The following NCF2 variants were observed in gnomAD, a reference collection of about 807,000 sequenced individuals.
The protein encoded by NCF2 is neutrophil cytosol factor 2.
In NCF2, 45 loss-of-function variants were observed where a neutral mutation model predicts 70.9. That is an observed-to-expected ratio of 0.63 (90% CI 0.50 to 0.81). The LOEUF (loss-of-function observed/expected upper bound fraction) is 0.81. Ranked by LOEUF, NCF2 falls within the 40% of genes least tolerant of loss-of-function variation. The pLI is 0.00. For synonymous variants in NCF2, 203 were observed against 233.6 expected (o/e 0.87, Z 1.19); for missense variants, 522 against 631.6 (o/e 0.83, Z 1.86).
At chr1:183,600,690 C>T in the NCF2 span, among the ~76,000 whole-genome samples, 1 of 152,056 alleles carries the variant, frequency 6.6e-6, no homozygotes. Flanking sequence ...GACACAGGCT[C>T]TTCACTCTGG....
At chr1:183,599,423 C>CTTCTTTCTTTCTTTCTTTCTTTCCT in the NCF2 span, among the ~76,000 whole-genome samples, 523 of 107,508 alleles carry the variant, frequency 4.9e-3, 11 homozygotes, top group African/African-American at 0.018. Context: ...TCTTTCTTTC[C>CTTCTTTCTTTCTTTCTTTCTTTCCT]TTCTTTCTTT....
intron 8 of NCF2, 37 bp from the exon 9 acceptor site, chr1:183,567,025 T>C (rs1273474425): frequency 2.5e-6 from 4 of 1,613,138 alleles, no homozygotes; most frequent in Non-Finnish European, 3.4e-6. Context: ...AAGGAAAAAA[T>C]AAAGATGTGC....
intron 9 of NCF2, 115 bp downstream of exon 9, chr1:183,566,805 A>G (rs1672317759): frequency 7.5e-7 from 1 of 1,326,402 alleles, no homozygotes; most frequent in Non-Finnish European, 1.1e-6. Flanking sequence ...GCTCAAGACT[A>G]GTGAATCTTT....
chr1:183,582,863 G>A (rs1264185246), intron 2 of NCF2, among the ~76,000 whole-genome samples: 2 of 152,164 alleles, frequency 1.3e-5, no homozygotes, highest in East Asian at 3.9e-4. Context: ...AGACAGCTTG[G>A]CTGTTATCCC....
chr1:183,580,992 A>AT (rs1312761758), intron 2 of NCF2, among the ~76,000 whole-genome samples: 2 of 149,020 alleles, frequency 1.3e-5, no homozygotes, highest in African/African-American at 4.9e-5. Context: ...AAAAAAAAAA[A>AT]GGTGTCTACA....
chr1:183,580,570 C>CCCT (rs1322447150), intron 2 of NCF2, among the ~76,000 whole-genome samples: 1 of 152,218 alleles, frequency 6.6e-6, no homozygotes, highest in Non-Finnish European at 1.5e-5. Flanking sequence ...GTGCCTTCCT[C>CCCT]CCTGCTGAGT....
rs1026236178 is a variant in NCF2 at position 183,582,503 on chromosome 1, G to A, written c.257+4392C>T. Among the ~76,000 whole-genome samples, 4 of 152,230 alleles carry A rather than the reference G, an allele frequency of 2.6e-5. No homozygotes were observed. In the East Asian group the frequency reaches 7.7e-4, roughly 29 times the overall value. ...CCCCATTTCTGTAATACTCCTGGGA[G>A]GTTTCTTAGTAACCTGCTTGTTCCC... is the stretch of plus-strand genomic sequence containing the variant. On this transcript the variant is annotated intron_variant, in intron 2 of 14. Coordinates refer to ENST00000367535, the MANE Select transcript of NCF2 (RefSeq NM_000433.4).
chr1:183,573,326 G>A, intron 4 of NCF2, 34 bp from the exon 5 acceptor site: 4 of 1,581,216 alleles, frequency 2.5e-6, no homozygotes, highest in Non-Finnish European at 3.5e-6. Flanking sequence ...TCCCTTATGT[G>A]AAAATGGGGG....
At chr1:183,599,849 T>C in the NCF2 span, among the ~76,000 whole-genome samples, 1 of 152,088 alleles carries the variant, frequency 6.6e-6, no homozygotes, top group Admixed American at 6.6e-5. Context: ...CACCGTACCC[T>C]GCCCTCTTTT....
In NCF2 at chr1:183,555,568, AAG is replaced by A. The variant is rs1448080930; in HGVS notation, c.*548_*549del. ...TTTAAGCAACAAGACATAATGAAAA[AAG>A]AAAACAAACAAGTTTATTTGTATAT... On this transcript the variant is annotated 3_prime_UTR_variant, in exon 15 of 15. Coordinates refer to ENST00000367535, the MANE Select transcript of NCF2 (RefSeq NM_000433.4). The A allele has an allele frequency of 1.9e-5, 3 of 156,356 alleles. No homozygotes were observed. Among genetic ancestry groups the A allele is most frequent in the Non-Finnish European group, 4.3e-5 (3 of 70,386 alleles). 9.7% of individuals were successfully genotyped at this position (156,356 alleles called of 1,614,324 possible).
intron 7 of NCF2, among the ~76,000 whole-genome samples, chr1:183,568,339 T>G (rs3845462): frequency 0.51 from 76,659 of 151,154 alleles, 19,531 homozygotes; most frequent in East Asian, 0.64. Flanking sequence ...GCTAATTTTT[T>G]CATGTTTAGT....
chr1:183,572,404 G>A (rs770533400), intron 5 of NCF2, among the ~76,000 whole-genome samples: 1 of 152,102 alleles, frequency 6.6e-6, no homozygotes, highest in Non-Finnish European at 1.5e-5. Context: ...GCCTGGTCTT[G>A]AACTCCTGAC....
upstream of NCF2, among the ~76,000 whole-genome samples, chr1:183,595,187 A>G (rs1673744268): frequency 6.6e-6 from 1 of 152,200 alleles, no homozygotes; most frequent in Non-Finnish European, 1.5e-5. Context: ...CATTGAGTAG[A>G]TAGTTTCATT....
At chr1:183,562,555 C>T (rs1672112021) in intron 13 of NCF2, among the ~76,000 whole-genome samples, 1 of 152,204 alleles carries the variant, frequency 6.6e-6, no homozygotes, top group Non-Finnish European at 1.5e-5. Flanking sequence ...CTCTTTCACT[C>T]TTCTTCTCCC....
At chr1:183,565,055 C>T (rs1422107491) in intron 10 of NCF2, among the ~76,000 whole-genome samples, 1 of 152,152 alleles carries the variant, frequency 6.6e-6, no homozygotes, top group Non-Finnish European at 1.5e-5. Context: ...GTAGGTTGGA[C>T]ATTTTTCAAA....
chr1:183,586,289 G>A (rs1054044417), intron 2 of NCF2, among the ~76,000 whole-genome samples: 5 of 152,198 alleles, frequency 3.3e-5, no homozygotes, highest in East Asian at 1.9e-4. Flanking sequence ...AGCTGAGATC[G>A]AGCCCTTGCA....
intron 5 of NCF2, among the ~76,000 whole-genome samples, chr1:183,571,779 C>A (rs1471265473): frequency 6.6e-6 from 1 of 152,226 alleles, no homozygotes; most frequent in Non-Finnish European, 1.5e-5. Context: ...GGAGATCAAG[C>A]AGACATGGTC....
chr1:183,594,377 C>T (rs1673735145), upstream of NCF2, among the ~76,000 whole-genome samples: 1 of 152,140 alleles, frequency 6.6e-6, no homozygotes, highest in South Asian at 2.1e-4. Context: ...CCACTGCATT[C>T]CAGCCTAGGT....
At chr1:183,581,940 T>A (rs1051963154) in intron 2 of NCF2, among the ~76,000 whole-genome samples, 59 of 152,212 alleles carry the variant, frequency 3.9e-4, no homozygotes, top group African/African-American at 1.4e-3. Flanking sequence ...GTGCTGGGAT[T>A]ACAGGCGTGA....
Sources: allele counts gnomAD v4.1 joint callset (sites outside exome capture counted in the v4.1 genomes callset), GRCh38; gene constraint gnomAD v4.1.1; transcripts MANE v1.5; gene names NCBI Gene and HGNC (gene_info 2026-07-23, HGNC 2026-07-21).